RPGRIP1L: variants seen among roughly 807,000 people sequenced by gnomAD.
RPGRIP1L encodes protein fantom.
A neutral mutation model predicts 160.4 loss-of-function variants in RPGRIP1L; 131 were observed. The ratio of observed to expected loss-of-function variants is 0.82; its 90% CI spans 0.71 to 0.94. RPGRIP1L has a LOEUF of 0.94. Among genes scored for constraint, RPGRIP1L ranks in the 40% least tolerant of loss-of-function variants. RPGRIP1L has a pLI of 0.00. For missense variants in RPGRIP1L, 1,522 were observed against 1,535.8 expected (o/e 0.99, Z 0.15); for synonymous variants, 510 against 515.8 (o/e 0.99, Z 0.15).
At chr16:53,631,238 G>A (rs571852928) in intron 22 of RPGRIP1L, among the ~76,000 whole-genome samples, 1 of 152,108 alleles carries the variant, frequency 6.6e-6, no homozygotes, top group African/African-American at 2.4e-5. Context: ...GCTGAACATC[G>A]TTATTGTAAT....
At chr16:53,665,978 A>G (rs1968216203) in intron 9 of RPGRIP1L, among the ~76,000 whole-genome samples, 1 of 152,196 alleles carries the variant, frequency 6.6e-6, no homozygotes, top group Non-Finnish European at 1.5e-5. Flanking sequence ...ACCATTATCT[A>G]TGAAGCTTGA....
Position 53,664,803 on chromosome 16 carries a change from C to T in RPGRIP1L, c.1243+67G>A, listed in dbSNP as rs4133018. ...CAAACAGTAGGCACCAGAGTAAGTA[C>T]TGACTGATTCAATGAAGAAACATTA... is the stretch of plus-strand genomic sequence containing the variant. On this transcript the variant is annotated intron_variant, in intron 10 of 26. Coordinates refer to ENST00000647211, the MANE Select transcript of RPGRIP1L (RefSeq NM_015272.5). 94,993 of 1,549,672 alleles carry T rather than the reference C, an allele frequency of 0.061. 4,374 individuals carry two copies. The highest frequency in any genetic ancestry group is 0.28 in the East Asian group (12,356 of 44,554).
chr16:53,686,658 AT>A, intron 5 of RPGRIP1L, 82 bp from the exon 6 acceptor site: 6 of 1,439,060 alleles, frequency 4.2e-6, no homozygotes, highest in East Asian at 2.3e-5. Flanking sequence ...AAAGTTCTTC[AT>A]GAAAAAGAGC....
At position 53,627,069 on chromosome 16, in the gene RPGRIP1L, C is replaced by G. The variant is rs1055941585; in HGVS notation, c.3295-4713G>C. 7.9e-5 allele frequency among the ~76,000 whole-genome samples: 12 copies of G among 152,244 alleles called. 2 individuals are homozygous for G. The South Asian group carries it at 2.5e-3, about 32-fold the overall frequency. ...TTTTCTATGTGATCTAAAGTGTTTA[C>G]TTAGGCTTATTATTGGCATGCTTAA... On this transcript the variant is annotated intron_variant, in intron 22 of 26. Coordinates refer to ENST00000647211, the MANE Select transcript of RPGRIP1L (RefSeq NM_015272.5).
At chr16:53,605,187 T>C (rs376192796) in intron 26 of RPGRIP1L, among the ~76,000 whole-genome samples, 12 of 150,392 alleles carry the variant, frequency 8.0e-5, no homozygotes, top group African/African-American at 2.4e-4. Flanking sequence ...AAAAAAAAAA[T>C]CCAATGGCCA....
intron 5 of RPGRIP1L, 78 bp downstream of exon 5, chr16:53,687,785 A>G (rs1970120672): frequency 1.1e-6 from 1 of 878,528 alleles, no homozygotes; most frequent in African/African-American, 1.7e-5. Context: ...ACATATAAAT[A>G]AAGGAAAGGG....
At chr16:53,675,552 A>G (rs1244705342) in intron 6 of RPGRIP1L, among the ~76,000 whole-genome samples, 1 of 152,196 alleles carries the variant, frequency 6.6e-6, no homozygotes, top group Non-Finnish European at 1.5e-5. Context: ...CAATACAGCC[A>G]TTCATCTTTC....
chr16:53,629,424 T>TA (rs1965374842), intron 22 of RPGRIP1L, among the ~76,000 whole-genome samples: 4 of 152,188 alleles, frequency 2.6e-5, no homozygotes, highest in South Asian at 4.1e-4. Context: ...TTGCATCTCT[T>TA]ACAAATTCTC....
At chr16:53,653,213 T>A in intron 14 of RPGRIP1L, 2 of 687,452 alleles carry the variant, frequency 2.9e-6, no homozygotes, top group Non-Finnish European at 3.6e-6. Flanking sequence ...AGTTTTAATA[T>A]AGCCTAAGCC....
intron 5 of RPGRIP1L, 110 bp from the exon 6 acceptor site, chr16:53,686,686 A>C: frequency 7.2e-6 from 8 of 1,108,814 alleles, no homozygotes; most frequent in Non-Finnish European, 1.1e-5. Context: ...AAGTTAAAAA[A>C]TTTAGCTTAA....
At chr16:53,691,960 A>G (rs947432358) in intron 4 of RPGRIP1L, 106 bp downstream of exon 4, 1 of 1,040,526 alleles carries the variant, frequency 9.6e-7, no homozygotes, top group Non-Finnish European at 1.5e-6. Context: ...TCTCTTCCTA[A>G]AGACACTTAA....
At chr16:53,700,562 G>T in intron 2 of RPGRIP1L, 77 bp downstream of exon 2, 1 of 1,120,530 alleles carries the variant, frequency 8.9e-7, no homozygotes, top group Non-Finnish European at 1.3e-6. Context: ...TGGTTTGTAT[G>T]AGTATAAGAA....
chr16:53,648,623 CG>C lies in RPGRIP1L; in HGVS notation c.2304+340del, dbSNP rs1567834581. Among the ~76,000 whole-genome samples the C allele has an allele frequency of 1.4e-3, 98 of 71,326 alleles. 2 individuals carry two copies. The highest frequency in any genetic ancestry group is 0.013 in the Middle Eastern group (2 of 158). 46.8% of individuals were successfully genotyped at this position (71,326 alleles called of 152,430 possible). A position where few individuals can be genotyped will look rare whatever the true frequency, so the allele number is the denominator to read the frequency against. ...ATATACGTACGCGCGTGCGCGCGCG[CG>C]CGCACACACACACACACACACACAC... On this transcript the variant is annotated intron_variant, in intron 16 of 26. Coordinates refer to ENST00000647211, the MANE Select transcript of RPGRIP1L (RefSeq NM_015272.5).
intron 2 of RPGRIP1L, among the ~76,000 whole-genome samples, chr16:53,697,292 A>G (rs1381416771): frequency 3.3e-5 from 5 of 151,900 alleles, no homozygotes; most frequent in African/African-American, 1.2e-4. Flanking sequence ...TGATCATTAA[A>G]CATATGAAAA....
At chr16:53,617,490 G>A (rs1191752459) in intron 24 of RPGRIP1L, among the ~76,000 whole-genome samples, 1 of 152,106 alleles carries the variant, frequency 6.6e-6, no homozygotes, top group Admixed American at 6.5e-5. Flanking sequence ...TTTTGGAAAT[G>A]TTTTCTTTAT....
intron 2 of RPGRIP1L, among the ~76,000 whole-genome samples, chr16:53,698,795 G>A (rs1388264732): frequency 2.0e-5 from 3 of 150,800 alleles, no homozygotes; most frequent in Non-Finnish European, 4.4e-5. Context: ...CCGGCCAGCC[G>A]CCTCGTCCGG....
Position 53,652,858 on chromosome 16 carries a change from T to C in RPGRIP1L, c.1829A>G (p.His610Arg), listed in dbSNP as rs386833997. 12 of 1,612,916 alleles carry C rather than the reference T, an allele frequency of 7.4e-6. No individual in the cohort carries two copies. Among genetic ancestry groups the C allele is most frequent in the African/African-American group, 6.7e-5 (5 of 74,788 alleles). ...LERGENLFEI[H>R]INKVTFSSEV... The stretch of plus-strand genomic sequence containing the variant: ...AGAAGAAAAGGTTACTTTGTTGATA[T>C]GGATTTCAAATAGATTTTCGCCTCG... Residue 610 changes from histidine to arginine, a missense_variant, in exon 15 of 27, where the codon CAT becomes CGT. Transcript: ENST00000647211.
intron 14 of RPGRIP1L, among the ~76,000 whole-genome samples, chr16:53,654,211 C>A (rs140927137): frequency 6.6e-6 from 1 of 152,128 alleles, no homozygotes; most frequent in African/African-American, 2.4e-5. Context: ...GTAATCCATC[C>A]GCCTTGGCTC....
At chr16:53,653,320 C>G in intron 14 of RPGRIP1L, 1 of 1,137,956 alleles carries the variant, frequency 8.8e-7, no homozygotes, top group Non-Finnish European at 1.1e-6. Flanking sequence ...GTCTCTGCTC[C>G]ACCCATTGTC....
Sources: gnomAD v4.1 joint callset for allele counts (sites outside exome capture counted in the v4.1 genomes callset) on GRCh38, gnomAD v4.1.1 for gene constraint, MANE v1.5 for transcripts, NCBI Gene and HGNC (gene_info 2026-07-23, HGNC 2026-07-21) for gene names.